The following XPA variants were observed in gnomAD, a reference collection of about 807,000 sequenced individuals.
The protein encoded by XPA is XPA, DNA damage recognition and repair factor.
Under a neutral mutation model 35.7 loss-of-function variants are expected in XPA, and 27 were observed. The observed-to-expected ratio is 0.76, with a 90% CI of 0.56 to 1.04. XPA has a LOEUF of 1.04. Ranked by LOEUF, XPA falls within the 50% of genes least tolerant of loss-of-function variation. XPA has a pLI of 0.00. For missense variants in XPA, 354 were observed against 342.7 expected, an observed-to-expected ratio of 1.03 and a Z score of -0.26; for synonymous variants, 133 against 118.4, an observed-to-expected ratio of 1.12 and a Z score of -0.80.
At chr9:97,695,647 C>T (rs1829019450) in intron 1 of XPA, among the ~76,000 whole-genome samples, 1 of 152,190 alleles carries the variant, frequency 6.6e-6, no homozygotes, top group Non-Finnish European at 1.5e-5. Flanking sequence ...CTTGCTGTTT[C>T]CCCAGGACCT....
At chr9:97,670,976 C>T (rs760624128), downstream of XPA, 21 of 599,012 alleles carry the variant, frequency 3.5e-5, no homozygotes, top group South Asian at 3.4e-4. Context: ...TTTTTTTCCC[C>T]TTCCTCTTTT....
Position 97,697,221 on chromosome 9 carries a change from C to A in XPA, c.72G>T (p.Val24=). 6.2e-7 allele frequency: 1 copy of A among 1,601,524 alleles called. No homozygotes were observed. Among genetic ancestry groups the A allele is most frequent in the Non-Finnish European group, 8.5e-7 (1 of 1,179,012 alleles). ...LEQPAELPAS[V]RASIERKRQR... ...GCCGCTTCCGCTCGATACTCGCCCG[C>A]ACCGAGGCAGGCAGCTCCGCGGGTT... The change falls in exon 1 of 6, where the codon GTG becomes GTT. Residue 24 remains valine (V), a synonymous_variant. Coordinates refer to ENST00000375128, the MANE Select transcript of XPA (RefSeq NM_000380.4).
chr9:97,677,510 AAAAT>A, intron 5 of XPA, among the ~76,000 whole-genome samples: 2 of 152,176 alleles, frequency 1.3e-5, no homozygotes, highest in East Asian at 3.9e-4. Context: ...CCAATCTCTT[AAAAT>A]AAATAAATAA....
chr9:97,671,467 T>C, downstream of XPA: 1 of 342,806 alleles, frequency 2.9e-6, no homozygotes, highest in Non-Finnish European at 5.4e-6. Flanking sequence ...ATTTTTTTTC[T>C]CCTTAAGGCA....
chr9:97,683,956 AATAT>A (rs1215457654), intron 5 of XPA, among the ~76,000 whole-genome samples: 1 of 152,212 alleles, frequency 6.6e-6, no homozygotes, highest in Non-Finnish European at 1.5e-5. Flanking sequence ...TATAAAACCG[AATAT>A]ATACATAAAG....
downstream of XPA, chr9:97,671,049 T>C (rs1025272277): frequency 4.3e-6 from 6 of 1,403,874 alleles, no homozygotes; most frequent in Non-Finnish European, 6.0e-6. Context: ...TTATATGCTT[T>C]TTCCTGACCT....
the XPA span, chr9:97,668,734 T>C: frequency 5.7e-4 from 692 of 1,217,030 alleles, 8 homozygotes; most frequent in East Asian, 0.015. Context: ...ACTTTCACTA[T>C]AGAATATAAG....
At chr9:97,668,913 T>C in the XPA span, 1 of 1,613,626 alleles carries the variant, frequency 6.2e-7, no homozygotes, top group African/African-American at 1.3e-5. Flanking sequence ...ATAGAACGAC[T>C]TCAGGAAAAA....
chr9:97,671,187 C>T (rs1828180572), downstream of XPA: 2 of 1,606,228 alleles, frequency 1.2e-6, no homozygotes, highest in Non-Finnish European at 1.7e-6. Flanking sequence ...AGTTCTGTGC[C>T]CTGCAGGCCT....
downstream of XPA, chr9:97,673,780 G>C (rs1828269497): frequency 6.6e-6 from 1 of 152,184 alleles, no homozygotes; most frequent in African/African-American, 2.4e-5. Context: ...AACTGTACTT[G>C]AAAATGAAAG....
Position 97,685,041 on chromosome 9 carries a change from C to T in XPA, c.556-1G>A. 1 of 1,611,582 alleles carries T rather than the reference C, an allele frequency of 6.2e-7. No individual in the cohort carries two copies. The highest frequency in any genetic ancestry group is 8.5e-7 in the Non-Finnish European group (1 of 1,178,194). On this transcript the variant is annotated splice_acceptor_variant, in intron 4 of 5. Transcript: ENST00000375128. LOFTEE classifies it high-confidence loss of function. ...AAACTTCAAGAGACCTCTTCACAATCTACAACACAAAATCCATATTTAAAT... is the reference window on the plus strand; with the variant it reads ...AAACTTCAAGAGACCTCTTCACAATTTACAACACAAAATCCATATTTAAAT...
the XPA span, among the ~76,000 whole-genome samples, chr9:97,656,801 A>G: frequency 3.3e-5 from 5 of 152,216 alleles, no homozygotes; most frequent in East Asian, 9.7e-4. Flanking sequence ...GTTCCATTAC[A>G]TATCTTCCCA....
the XPA span, among the ~76,000 whole-genome samples, chr9:97,657,885 G>GCTCTCTCTCTCT: frequency 9.7e-4 from 111 of 113,952 alleles, no homozygotes; most frequent in African/African-American, 3.7e-3. Flanking sequence ...GCCCCGGTAA[G>GCTCTCTCTCTCT]CTCTCTCTCT....
At chr9:97,682,136 A>T (rs1042448609) in intron 5 of XPA, 3 of 380,974 alleles carry the variant, frequency 7.9e-6, no homozygotes, top group African/African-American at 4.2e-5. Flanking sequence ...TGGTAGTAAG[A>T]TCAATTCTCA....
chr9:97,655,495 G>A, the XPA span, among the ~76,000 whole-genome samples: 4 of 152,056 alleles, frequency 2.6e-5, no homozygotes, highest in Admixed American at 6.6e-5. Flanking sequence ...TTAGGTGCCC[G>A]CACAAAACAG....
chr9:97,693,607 A>C, intron 2 of XPA, 42 bp downstream of exon 2: 3 of 1,565,462 alleles, frequency 1.9e-6, no homozygotes, highest in Non-Finnish European at 2.6e-6. Context: ...TGTTACTCAA[A>C]ATAACCAATC....
chr9:97,681,363 T>C (rs1435119877), intron 5 of XPA, among the ~76,000 whole-genome samples: 1 of 152,112 alleles, frequency 6.6e-6, no homozygotes, highest in Non-Finnish European at 1.5e-5. Context: ...TAGTCCTCCA[T>C]AAACTAAAGC....
the XPA span, chr9:97,661,012 A>G: frequency 4.8e-5 from 78 of 1,612,820 alleles, no homozygotes; most frequent in Non-Finnish European, 5.4e-5. Context: ...GCAACCAATG[A>G]TGAAATCTTC....
intron 5 of XPA, 116 bp from the exon 6 acceptor site, chr9:97,675,703 C>G (rs568882104): frequency 8.0e-7 from 1 of 1,255,528 alleles, no homozygotes; most frequent in African/African-American, 1.5e-5. Context: ...TGTATTTAAA[C>G]CATATATAGT....
Sources: gnomAD v4.1 joint callset for allele counts (sites outside exome capture counted in the v4.1 genomes callset) on GRCh38, gnomAD v4.1.1 for gene constraint, MANE v1.5 for transcripts, NCBI Gene and HGNC (gene_info 2026-07-23, HGNC 2026-07-21) for gene names.